Variants in ULK2 observed in about 807,000 individuals in gnomAD.
ULK2 encodes the protein unc-51 like autophagy activating kinase 2, also known as serine/threonine-protein kinase ULK2.
Under a neutral mutation model 127.5 loss-of-function variants are expected in ULK2, and 76 were observed. The ratio of observed to expected loss-of-function variants is 0.60; its 90% CI spans 0.50 to 0.72. ULK2 has a LOEUF of 0.72. Ranked by LOEUF, ULK2 falls within the 30% of genes least tolerant of loss-of-function variation. The pLI, the probability that ULK2 is intolerant of heterozygous loss-of-function variation, is 0.00. For missense variants in ULK2, 1,144 were observed against 1,295.9 expected (o/e 0.88, Z 1.80); for synonymous variants, 452 against 461.9 (o/e 0.98, Z 0.28).
chr17:19,814,429 T>TACATATATATAC (rs2040920710), intron 13 of ULK2, among the ~76,000 whole-genome samples: 1 of 16,716 alleles, frequency 6.0e-5, no homozygotes, highest in African/African-American at 2.8e-4. Context: ...TATATATATA[T>TACATATATATAC]ATATATATAT....
intron 3 of ULK2, among the ~76,000 whole-genome samples, chr17:19,859,514 A>C (rs1245908181): frequency 6.6e-6 from 1 of 152,214 alleles, no homozygotes; most frequent in East Asian, 1.9e-4. Flanking sequence ...GAATTGGTAT[A>C]ATCTTTTAAA....
At chr17:19,853,698 A>C (rs2042065862) in intron 3 of ULK2, among the ~76,000 whole-genome samples, 2 of 151,758 alleles carry the variant, frequency 1.3e-5, no homozygotes, top group Admixed American at 6.6e-5. Flanking sequence ...CAGCCTCCCG[A>C]GTAGCTGGGA....
intron 12 of ULK2, among the ~76,000 whole-genome samples, chr17:19,821,913 T>A (rs1472947384): frequency 7.9e-5 from 12 of 152,140 alleles, no homozygotes; most frequent in Admixed American, 2.0e-4. Context: ...CTCAAACTCC[T>A]GGGCTCAAGC....
Position 19,780,480 on chromosome 17 carries a change from C to G in ULK2, c.2908G>C (p.Val970Leu). ...ACCTTAGAAAGGGTTACCATTTCTACAGCACAATTATAGATGAGTTTCTCT... is the reference window on the plus strand; with the variant it reads ...ACCTTAGAAAGGGTTACCATTTCTAGAGCACAATTATAGATGAGTTTCTCT... Reference protein sequence around the residue: ...TAEKLIYNCAVEMVQSAALDE... With the variant: ...TAEKLIYNCALEMVQSAALDE... Residue 970 changes from valine to leucine, a missense_variant, in exon 25 of 27, where the codon GTA (valine) becomes CTA (leucine). Around this residue, in one of 2 missense-constraint regions of ULK2, gnomAD observed 913 missense variants for 970.5 expected, o/e 0.94. Transcript: ENST00000395544. The G allele has an allele frequency of 6.2e-7, 1 of 1,609,866 alleles. No individual in the cohort carries two copies. The highest frequency in any genetic ancestry group is 1.1e-5 in the South Asian group (1 of 89,780).
chr17:19,843,470 T>C (rs1438515840), intron 7 of ULK2, among the ~76,000 whole-genome samples: 1 of 151,984 alleles, frequency 6.6e-6, no homozygotes, highest in Non-Finnish European at 1.5e-5. Context: ...ATGTTTCACC[T>C]GATTATAATG....
At chr17:19,843,846 G>A (rs896711658) in intron 7 of ULK2, among the ~76,000 whole-genome samples, 1 of 151,896 alleles carries the variant, frequency 6.6e-6, no homozygotes, top group African/African-American at 2.4e-5. Context: ...TTTTAGTAGA[G>A]ACAAGGTTTC....
Position 19,838,500 on chromosome 17 carries a change from C to T in ULK2, c.787+1G>A. On this transcript the variant is annotated splice_donor_variant, in intron 10 of 26. Transcript: ENST00000395544. LOFTEE classifies it high-confidence loss of function. ...ATGCAAAAGTTAAAACTATTTCTTACCAAAGTCCATTCTATCTTTTTGGTT... is the reference window on the plus strand; with the variant it reads ...ATGCAAAAGTTAAAACTATTTCTTATCAAAGTCCATTCTATCTTTTTGGTT... The T allele has an allele frequency of 6.2e-7, 1 of 1,606,710 alleles. No individual in the cohort carries two copies. Among genetic ancestry groups the T allele is most frequent in the Non-Finnish European group, 8.5e-7 (1 of 1,177,248 alleles).
rs769363933 is a variant in ULK2 at position 19,804,642 on chromosome 17, T to G, written c.1295+51A>C. ...CATATCTTCCAATATCAATAAATTTTTTTTAAAGGAGATGAAAAAGAATTA... is the reference window on the plus strand; with the variant it reads ...CATATCTTCCAATATCAATAAATTTGTTTTAAAGGAGATGAAAAAGAATTA... On this transcript the variant is annotated intron_variant, in intron 15 of 26. Coordinates refer to ENST00000395544, the MANE Select transcript of ULK2 (RefSeq NM_014683.4). The G allele has an allele frequency of 3.9e-6, 6 of 1,531,970 alleles. No homozygotes were observed. In the East Asian group the frequency reaches 6.9e-5, roughly 18 times the overall value. The allele number at this position is 1,531,970 out of a possible 1,614,324, so 94.9% of individuals were successfully genotyped here.
rs556550188 is a variant in ULK2, at chr17:19,867,156, C to T, written c.90+172G>A. Among the ~76,000 whole-genome samples, 321 of 152,228 alleles carry T rather than the reference C, an allele frequency of 2.1e-3. 1 individual carries two copies. Among genetic ancestry groups the T allele is most frequent in the African/African-American group, 7.4e-3 (309 of 41,556 alleles). On this transcript the variant is annotated intron_variant, in intron 1 of 26. Coordinates refer to ENST00000395544, the MANE Select transcript of ULK2 (RefSeq NM_014683.4). ...GGAGCGCTGCCAGAGGCTTGGGCCT[C>T]ACAACAACCCTCACAGGACCAAAAC...
At chr17:19,787,002 A>AC (rs1294409497) in intron 20 of ULK2, among the ~76,000 whole-genome samples, 6 of 77,008 alleles carry the variant, frequency 7.8e-5, no homozygotes, top group Non-Finnish European at 1.7e-4. Context: ...TCATTTATTT[A>AC]CTTTTTTTTT....
At chr17:19,848,023 G>A (rs539231549) in intron 5 of ULK2, among the ~76,000 whole-genome samples, 2 of 152,096 alleles carry the variant, frequency 1.3e-5, no homozygotes, top group East Asian at 1.9e-4. Flanking sequence ...GAATAACTAC[G>A]AGTTGACATG....
intron 13 of ULK2, among the ~76,000 whole-genome samples, chr17:19,815,640 C>T (rs889821392): frequency 6.6e-5 from 10 of 152,100 alleles, no homozygotes; most frequent in Middle Eastern, 3.2e-3. Flanking sequence ...AAAATATTGA[C>T]CTATATAAAA....
At chr17:19,856,342 G>A (rs951184226) in intron 3 of ULK2, among the ~76,000 whole-genome samples, 3 of 152,100 alleles carry the variant, frequency 2.0e-5, no homozygotes, top group African/African-American at 7.2e-5. Flanking sequence ...CAGCACTTTG[G>A]GAGGCCGAGG....
At chr17:19,796,629 C>A (rs1313937879) in intron 18 of ULK2, among the ~76,000 whole-genome samples, 1 of 152,160 alleles carries the variant, frequency 6.6e-6, no homozygotes, top group Non-Finnish European at 1.5e-5. Context: ...TGACTCAAGG[C>A]CTTTGTCATT....
chr17:19,846,477 T>G (rs1237946590), intron 6 of ULK2, among the ~76,000 whole-genome samples: 1 of 151,864 alleles, frequency 6.6e-6, no homozygotes, highest in Non-Finnish European at 1.5e-5. Flanking sequence ...CTGTCTCTAC[T>G]AAAAATATAA....
chr17:19,782,118 A>G lies in ULK2; in HGVS notation c.2461-51T>C, dbSNP rs567127777. Reference sequence around the variant, plus strand: ...AAAATTTCAGATTAAAAATACGTACATACTCATTTCTGTACATAAACCATG... The same window carrying G: ...AAAATTTCAGATTAAAAATACGTACGTACTCATTTCTGTACATAAACCATG... On this transcript the variant is annotated intron_variant, in intron 22 of 26. Transcript: ENST00000395544. 7.7e-6 allele frequency: 12 copies of G among 1,558,098 alleles called. No homozygotes were observed. The African/African-American group carries it at 1.5e-4, about 19-fold the overall frequency.
At chr17:19,796,042 GT>G (rs2087261740) in intron 19 of ULK2, 52 bp downstream of exon 19, 1 of 1,553,402 alleles carries the variant, frequency 6.4e-7, no homozygotes, top group African/African-American at 1.4e-5. Context: ...AGAAATCTAT[GT>G]TTTACTATTA....
Position 19,797,552 on chromosome 17 carries a change from G to T in ULK2, c.1653C>A (p.Cys551Ter). 2 of 1,613,872 alleles carry T rather than the reference G, an allele frequency of 1.2e-6. No homozygotes were observed. The highest frequency in any genetic ancestry group is 1.7e-6 in the Non-Finnish European group (2 of 1,179,992). The stretch of plus-strand genomic sequence containing the variant: ...TGTACCCAGCCCCAGTATGGGATGG[G>T]CACACGGGGTCAGAGTGCTGTTTTC... The part of the protein sequence containing the change: ...KLRKQHSDPV[C>*]PSHTGAGYSY... The change falls in exon 18 of 27, where the codon TGC (cysteine) becomes TGA (stop). Residue 551 changes from cysteine to a stop codon, truncating the protein, a stop_gained. Transcript: ENST00000395544. LOFTEE classifies it high-confidence loss of function.
rs2086801391 is a variant in ULK2, at chr17:19,775,700, A to G, written c.*649T>C. On this transcript the variant is annotated 3_prime_UTR_variant, in exon 27 of 27. Transcript: ENST00000395544. Reference sequence around the variant, plus strand: ...CAAGTAAAATATTTTAAACAAGTCCATTGTGCCTTAGTTAAATTACAAAAT... The same window carrying G: ...CAAGTAAAATATTTTAAACAAGTCCGTTGTGCCTTAGTTAAATTACAAAAT... The G allele has an allele frequency of 6.5e-6, 1 of 152,680 alleles. No individual in the cohort carries two copies. Among genetic ancestry groups the G allele is most frequent in the African/African-American group, 2.4e-5 (1 of 41,468 alleles). 9.5% of individuals were successfully genotyped at this position (152,680 alleles called of 1,614,324 possible). A position where few individuals can be genotyped will look rare whatever the true frequency, so the allele number is the denominator to read the frequency against.
Sources: gnomAD v4.1 joint callset for allele counts (sites outside exome capture counted in the v4.1 genomes callset) on GRCh38, gnomAD v4.1.1 for gene constraint, gnomAD v4.1.1 regional missense constraint, MANE v1.5 for transcripts, NCBI Gene and HGNC (gene_info 2026-07-23, HGNC 2026-07-21) for gene names.